ZNF17: variants seen among roughly 807,000 people sequenced by gnomAD.
ZNF17 encodes zinc finger protein 17 (HPF3, KOX 10).
Under a neutral mutation model 7.7 loss-of-function variants are expected in ZNF17, and 4 were observed. The ratio of observed to expected loss-of-function variants is 0.52; its 90% CI spans 0.26 to 1.20. The LOEUF is 1.20. Ranked by LOEUF, ZNF17 falls within the 50% of genes most tolerant of loss-of-function variation. The pLI is 0.14. For missense variants in ZNF17, 738 were observed against 799.5 expected, an observed-to-expected ratio of 0.92 and a Z score of 0.93; for synonymous variants, 249 against 258.8, an observed-to-expected ratio of 0.96 and a Z score of 0.36.
chr19:57,421,536 TTTA>T lies in ZNF17; in HGVS notation c.*56_*58del. On this transcript the variant is annotated 3_prime_UTR_variant, in exon 4 of 4. Transcript: ENST00000307658. The stretch of plus-strand genomic sequence containing the variant: ...GACTTCACACAGAAATCTACTCTGA[TTTA>T]GCACTGGGACCTACGTTTTAAAAAA... 3 of 1,523,192 alleles carry T rather than the reference TTTA, an allele frequency of 2.0e-6. No homozygotes were observed. The highest frequency in any genetic ancestry group is 2.6e-6 in the Non-Finnish European group (3 of 1,136,070). The allele number at this position is 1,523,192 out of a possible 1,614,324, so 94.4% of individuals were successfully genotyped here. A position where few individuals can be genotyped will look rare whatever the true frequency, so the allele number is the denominator to read the frequency against.
Position 57,411,161 on chromosome 19 carries a change from G to A in ZNF17, c.-266G>A. 3.8e-6 allele frequency: 2 copies of A among 528,178 alleles called. No homozygotes were observed. The highest frequency in any genetic ancestry group is 6.5e-6 in the Non-Finnish European group (2 of 308,358). The allele number at this position is 528,178 out of a possible 1,614,324, so 32.7% of individuals were successfully genotyped here. On this transcript the variant is annotated 5_prime_UTR_variant, in exon 1 of 4. Coordinates refer to ENST00000307658, the MANE Select transcript of ZNF17 (RefSeq NM_001330617.2). ...GCAATGCGTGTGGGCGGGACTTCCT[G>A]CAACGCCTCCTGGGGTTGTCAATAT... is the stretch of plus-strand genomic sequence containing the variant.
In ZNF17 at chr19:57,420,026, T is replaced by C. The variant is rs1361573683; in HGVS notation, c.540T>C (p.His180=). The part of the protein sequence containing the change: ...HSGWKPHRDT[H]GVEAFQSGQN... The stretch of plus-strand genomic sequence containing the variant: ...GGTGGAAGCCACACAGGGACACTCA[T>C]GGTGTGGAGGCCTTTCAAAGTGGAC... Residue 180 remains histidine, a synonymous_variant, in exon 4 of 4, where the codon CAT becomes CAC. Transcript: ENST00000307658. The C allele has an allele frequency of 1.2e-6, 2 of 1,614,174 alleles. No individual in the cohort carries two copies. Among genetic ancestry groups the C allele is most frequent in the East Asian group, 2.2e-5 (1 of 44,884 alleles).
At chr19:57,411,571 C>T (rs555942959) in intron 1 of ZNF17, 165 bp downstream of exon 1, 5 of 1,430,696 alleles carry the variant, frequency 3.5e-6, no homozygotes, top group Admixed American at 2.7e-5. Flanking sequence ...CTGTCAGGGA[C>T]CTGCACGTGC....
Position 57,421,135 on chromosome 19 carries a change from A to T in ZNF17, c.1649A>T (p.His550Leu). The change falls in exon 4 of 4, where the codon CAC (histidine) becomes CTC (leucine). Residue 550 changes from histidine (H) to leucine (L), a missense_variant. This residue lies in a region of ZNF17 where 616 missense variants were observed against 663.9 expected (regional missense o/e 0.93). Transcript: ENST00000307658. ...AATCATATTAGACATCGGAGAAATC[A>T]CTTTGGAGAAAGGTCTTTTGAGTGC... ...NSNHIRHRRN[H>L]FGERSFECTE... 6.2e-7 allele frequency: 1 copy of T among 1,613,970 alleles called. No individual in the cohort carries two copies. The highest frequency in any genetic ancestry group is 8.5e-7 in the Non-Finnish European group (1 of 1,179,790).
chr19:57,421,436 C>T lies in ZNF17; in HGVS notation c.1950C>T (p.Asn650=), dbSNP rs1018937261. The part of the protein sequence containing the change: ...YQCSECGRVF[N]QNSHLIQHQK... ...GCAGTGAATGTGGAAGAGTCTTTAA[C>T]CAAAATTCTCATCTCATTCAGCACC... The change falls in exon 4 of 4, where the codon AAC becomes AAT. Residue 650 remains asparagine (N), a synonymous_variant. Transcript: ENST00000307658. The T allele has an allele frequency of 1.2e-6, 2 of 1,612,458 alleles. No homozygotes were observed. Among genetic ancestry groups the T allele is most frequent in the African/African-American group, 2.7e-5 (2 of 74,942 alleles).
rs766331605 is a variant in ZNF17 at position 57,420,884 on chromosome 19, C to G, written c.1398C>G (p.His466Gln). 4 of 1,614,152 alleles carry G rather than the reference C, an allele frequency of 2.5e-6. No homozygotes were observed. The East Asian group carries it at 8.9e-5, about 36-fold the overall frequency. Residue 466 changes from histidine (H) to glutamine (Q), a missense_variant, in exon 4 of 4, where the codon CAC becomes CAG. His to Gln is a conservative substitution (Grantham distance 24, BLOSUM62 0). Transcript: ENST00000307658. ...CACTGAATAGACATCAGAGAGTTCA[C>G]TCTGGAGAGAGGCCTTATGAATGCA... ...CFTLNRHQRV[H>Q]SGERPYECSE...
At chr19:57,418,833 C>T (rs1188075955) in intron 3 of ZNF17, among the ~76,000 whole-genome samples, 1 of 152,128 alleles carries the variant, frequency 6.6e-6, no homozygotes, top group African/African-American at 2.4e-5. Flanking sequence ...CTGGCTCCCA[C>T]CTCTGACCCT....
chr19:57,417,218 G>A (rs2088816262), intron 2 of ZNF17, among the ~76,000 whole-genome samples: 1 of 152,150 alleles, frequency 6.6e-6, no homozygotes, highest in Non-Finnish European at 1.5e-5. Flanking sequence ...AGCGGATTTG[G>A]TCAGGTGGCA....
In ZNF17 at chr19:57,421,792, A is replaced by G; in HGVS notation, c.*311A>G. On this transcript the variant is annotated 3_prime_UTR_variant, in exon 4 of 4. Coordinates refer to ENST00000307658, the MANE Select transcript of ZNF17 (RefSeq NM_001330617.2). ...CTAGTCCGGGTACCTCATATAAGAAAACTTAAGTTTTGGTCTTCTTGTGGT... is the reference window on the plus strand; with the variant it reads ...CTAGTCCGGGTACCTCATATAAGAAGACTTAAGTTTTGGTCTTCTTGTGGT... The G allele has an allele frequency of 4.3e-6, 1 of 234,742 alleles. No individual in the cohort carries two copies. Among genetic ancestry groups the G allele is most frequent in the Non-Finnish European group, 8.1e-6 (1 of 122,998 alleles). 14.5% of individuals were successfully genotyped at this position (234,742 alleles called of 1,614,324 possible).
chr19:57,418,023 C>G lies in ZNF17; in HGVS notation c.133C>G (p.Leu45Val). ...HSDVMLENFALLSSVGCWHGA... is the reference protein window; with the variant it reads ...HSDVMLENFAVLSSVGCWHGA... ...CGATGTGATGCTGGAGAACTTTGCACTTTTGTCCTCAGTAGGTAAGGCCCT... is the reference window on the plus strand; with the variant it reads ...CGATGTGATGCTGGAGAACTTTGCAGTTTTGTCCTCAGTAGGTAAGGCCCT... Residue 45 changes from leucine to valine, a missense_variant, in exon 3 of 4, where the codon CTT becomes GTT. Leu to Val is a conservative substitution (Grantham distance 32). Coordinates refer to ENST00000307658, the MANE Select transcript of ZNF17 (RefSeq NM_001330617.2). The G allele has an allele frequency of 6.2e-7, 1 of 1,613,768 alleles. No individual in the cohort carries two copies. Among genetic ancestry groups the G allele is most frequent in the Non-Finnish European group, 8.5e-7 (1 of 1,179,854 alleles).
In ZNF17 at chr19:57,420,349, A is replaced by G; in HGVS notation, c.863A>G (p.Lys288Arg). ...CSECGKAFLR[K>R]SHLLQHQRIH... ...GAATGTGGGAAAGCTTTTCTTAGAA[A>G]GTCTCACCTACTTCAGCACCAGAGG... Residue 288 changes from lysine to arginine, a missense_variant, in exon 4 of 4, where the codon AAG becomes AGG. Lys to Arg is a conservative substitution (Grantham distance 26, BLOSUM62 2). Coordinates refer to ENST00000307658, the MANE Select transcript of ZNF17 (RefSeq NM_001330617.2). 1 of 1,612,894 alleles carries G rather than the reference A, an allele frequency of 6.2e-7. No homozygotes were observed. The highest frequency in any genetic ancestry group is 8.5e-7 in the Non-Finnish European group (1 of 1,179,722).
chr19:57,413,689 T>G (rs2088793157), intron 2 of ZNF17, 53 bp downstream of exon 2: 2 of 1,526,950 alleles, frequency 1.3e-6, no homozygotes, highest in African/African-American at 2.7e-5. Context: ...TTCAGCATGC[T>G]GATATAGGGA....
chr19:57,412,075 C>T (rs1009371287), intron 1 of ZNF17, among the ~76,000 whole-genome samples: 2 of 152,062 alleles, frequency 1.3e-5, no homozygotes, highest in Non-Finnish European at 2.9e-5. Context: ...GGTCCATAAG[C>T]CTGACGCTAC....
intron 2 of ZNF17, among the ~76,000 whole-genome samples, chr19:57,414,381 C>T (rs376427097): frequency 1.3e-5 from 2 of 149,894 alleles, no homozygotes; most frequent in Non-Finnish European, 3.0e-5. Flanking sequence ...GTCGCCCAGG[C>T]GGGAGTGCAT....
chr19:57,421,085 T>G lies in ZNF17; in HGVS notation c.1599T>G (p.Cys533Trp). ...AAAGGCCTTATGAGTGTAGTGAATG[T>G]GGGAAATTCTTTAGGCACAACTCAA... is the stretch of plus-strand genomic sequence containing the variant. Reference protein sequence around the residue: ...TGERPYECSECGKFFRHNSNH... With the variant: ...TGERPYECSEWGKFFRHNSNH... Residue 533 changes from cysteine (C) to tryptophan (W), a missense_variant, in exon 4 of 4, where the codon TGT becomes TGG. This residue lies in a region of ZNF17 where 616 missense variants were observed against 663.9 expected (regional missense o/e 0.93). Coordinates refer to ENST00000307658, the MANE Select transcript of ZNF17 (RefSeq NM_001330617.2). The G allele has an allele frequency of 6.2e-7, 1 of 1,614,112 alleles. No individual in the cohort carries two copies. Among genetic ancestry groups the G allele is most frequent in the Non-Finnish European group, 8.5e-7 (1 of 1,179,944 alleles).
chr19:57,419,964 G>T lies in ZNF17; in HGVS notation c.478G>T (p.Gly160Cys). The change falls in exon 4 of 4, where the codon GGT (glycine) becomes TGT (cysteine). Residue 160 changes from glycine to cysteine, a missense_variant. Transcript: ENST00000307658. ...TCMQGGKDFTGDSDLQQQALH... is the reference protein window; with the variant it reads ...TCMQGGKDFTCDSDLQQQALH... ...CATGCAGGGTGGCAAGGATTTTACT[G>T]GTGATTCAGATCTTCAACAACAGGC... 1 of 1,614,224 alleles carries T rather than the reference G, an allele frequency of 6.2e-7. No homozygotes were observed. Among genetic ancestry groups the T allele is most frequent in the Non-Finnish European group, 8.5e-7 (1 of 1,180,046 alleles).
In ZNF17 at chr19:57,420,138, A is replaced by G. The variant is rs750819885; in HGVS notation, c.652A>G (p.Arg218Gly). The G allele has an allele frequency of 6.2e-7, 1 of 1,614,224 alleles. No homozygotes were observed. The highest frequency in any genetic ancestry group is 8.5e-7 in the Non-Finnish European group (1 of 1,180,028). The change falls in exon 4 of 4, where the codon AGG becomes GGG. Residue 218 changes from arginine to glycine, a missense_variant. Physicochemically the swap from Arg to Gly is moderately radical, Grantham distance 125. Around this residue, in one of 3 missense-constraint regions of ZNF17, gnomAD observed 616 missense variants for 663.9 expected, o/e 0.93. Transcript: ENST00000307658. Reference protein sequence around the residue: ...FEHQKIHTEERPYECSECGKL... With the variant: ...FEHQKIHTEEGPYECSECGKL... ...GCACCAGAAAATCCACACAGAGGAA[A>G]GGCCTTATGAGTGCAGTGAATGTGG... is the stretch of plus-strand genomic sequence containing the variant.
intron 2 of ZNF17, among the ~76,000 whole-genome samples, chr19:57,417,500 C>G (rs1436933956): frequency 6.6e-6 from 1 of 152,074 alleles, no homozygotes; most frequent in Non-Finnish European, 1.5e-5. Context: ...TTATTTTGGT[C>G]CTCTAATTCT....
intron 1 of ZNF17, chr19:57,411,698 G>A: frequency 7.6e-7 from 1 of 1,314,504 alleles, no homozygotes; most frequent in Non-Finnish European, 9.7e-7. Flanking sequence ...GCTGAAAGCC[G>A]TAGAAGGCTG....
Sources: allele counts gnomAD v4.1 joint callset (sites outside exome capture counted in the v4.1 genomes callset), GRCh38; gene constraint gnomAD v4.1.1; regional missense constraint gnomAD v4.1.1; transcripts MANE v1.5; gene names NCBI Gene and HGNC (gene_info 2026-07-23, HGNC 2026-07-21).